The following GSPT1 variants were observed in gnomAD, a reference collection of about 807,000 sequenced individuals.
The protein encoded by GSPT1 is G1 to S phase transition 1.
Under a neutral mutation model 72.5 loss-of-function variants are expected in GSPT1, and 20 were observed. The observed-to-expected ratio is 0.28, with a 90% CI of 0.19 to 0.40. The LOEUF (loss-of-function observed/expected upper bound fraction) is 0.40. GSPT1 is among the 10% of genes least tolerant of loss of function. The pLI is 1.00. For missense variants in GSPT1, 580 were observed against 811.9 expected, an observed-to-expected ratio of 0.71 and a Z score of 3.47; for synonymous variants, 334 against 293.5, an observed-to-expected ratio of 1.14 and a Z score of -1.41.
chr16:11,899,595 G>GA (rs2054380578), intron 1 of GSPT1, among the ~76,000 whole-genome samples: 1 of 152,120 alleles, frequency 6.6e-6, no homozygotes, highest in Non-Finnish European at 1.5e-5. Flanking sequence ...AAACAGGGGG[G>GA]AAACGCATTT....
At chr16:11,887,495 A>G in intron 7 of GSPT1, 75 bp downstream of exon 7, 2 of 1,212,814 alleles carry the variant, frequency 1.6e-6, no homozygotes, top group Non-Finnish European at 2.4e-6. Flanking sequence ...GAGCTTTTAG[A>G]AGATAAATTC....
chr16:11,885,219 C>A lies in GSPT1; in HGVS notation c.1309G>T (p.Asp437Tyr). The A allele has an allele frequency of 6.3e-7, 1 of 1,599,184 alleles. No homozygotes were observed. The highest frequency in any genetic ancestry group is 1.1e-5 in the South Asian group (1 of 90,720). ...DNLPNFNRSV[D>Y]GPIRLPIVDK... ...ACAATTGGCAGCCTGATTGGTCCAT[C>A]AACTGATCTATTGAAGTTCGGCAAA... The change falls in exon 10 of 15, where the codon GAT becomes TAT. Residue 437 changes from aspartate (D) to tyrosine (Y), a missense_variant. Asp to Tyr is a radical substitution (Grantham distance 160). Around this residue, in one of 6 missense-constraint regions of GSPT1, gnomAD observed 45 missense variants for 43.0 expected, o/e 1.05. Coordinates refer to ENST00000434724, the MANE Select transcript of GSPT1 (RefSeq NM_002094.4).
At position 11,886,627 on chromosome 16, in the gene GSPT1, A is replaced by G; in HGVS notation, c.1113-16T>C. On this transcript the variant is annotated splice_polypyrimidine_tract_variant and intron_variant, in intron 8 of 14. Coordinates refer to ENST00000434724, the MANE Select transcript of GSPT1 (RefSeq NM_002094.4). The stretch of plus-strand genomic sequence containing the variant: ...TTCTTCATATCTGCAATTATAATGT[A>G]ACCAAAATAACTCAATTATAATGTA... The G allele has an allele frequency of 6.3e-7, 1 of 1,596,998 alleles. No individual in the cohort carries two copies. Among genetic ancestry groups the G allele is most frequent in the East Asian group, 2.2e-5 (1 of 44,764 alleles).
chr16:11,885,090 G>T, intron 10 of GSPT1, 91 bp downstream of exon 10: 1 of 669,044 alleles, frequency 1.5e-6, no homozygotes. Context: ...AGAAAGAAAA[G>T]AAAAGAAAAA....
Position 11,872,158 on chromosome 16 carries a change from A to G in GSPT1, c.*961T>C, listed in dbSNP as rs1368758657. ...GGCACTTGCAACTGATACGGTTTTC[A>G]TACTAGAGGCATGCAGCTCTATTTA... On this transcript the variant is annotated 3_prime_UTR_variant, in exon 15 of 15. Coordinates refer to ENST00000434724, the MANE Select transcript of GSPT1 (RefSeq NM_002094.4). The G allele has an allele frequency of 6.6e-6, 1 of 152,198 alleles. No individual in the cohort carries two copies. The highest frequency in any genetic ancestry group is 2.4e-5 in the African/African-American group (1 of 41,450). The allele number at this position is 152,198 out of a possible 1,614,324, so 9.4% of individuals were successfully genotyped here.
At chr16:11,890,993 C>A in intron 6 of GSPT1, 69 bp downstream of exon 6, 1 of 710,074 alleles carries the variant, frequency 1.4e-6, no homozygotes, top group South Asian at 1.7e-5. Flanking sequence ...TTTTAACAGG[C>A]TCCAAAAGCA....
At chr16:11,884,559 A>G (rs1481101602) in intron 10 of GSPT1, among the ~76,000 whole-genome samples, 1 of 152,194 alleles carries the variant, frequency 6.6e-6, no homozygotes, top group Non-Finnish European at 1.5e-5. Flanking sequence ...TAGGAGTTCG[A>G]GACCAGCCTG....
At chr16:11,896,348 G>A (rs1195958921) in intron 4 of GSPT1, among the ~76,000 whole-genome samples, 1 of 152,054 alleles carries the variant, frequency 6.6e-6, no homozygotes, top group East Asian at 1.9e-4. Context: ...TTTTCTTCCA[G>A]CATCTATGCC....
At chr16:11,910,096 C>T (rs2054539475) in intron 1 of GSPT1, among the ~76,000 whole-genome samples, 2 of 152,138 alleles carry the variant, frequency 1.3e-5, no homozygotes, top group African/African-American at 4.8e-5. Context: ...GATCCCGTCT[C>T]TAAAAAATAA....
At chr16:11,892,830 A>AAG (rs2054285463) in intron 5 of GSPT1, among the ~76,000 whole-genome samples, 1 of 13,446 alleles carries the variant, frequency 7.4e-5, no homozygotes, top group Admixed American at 1.0e-3. Flanking sequence ...ATTCTGTCTC[A>AAG]AAAAAAAAAA....
intron 1 of GSPT1, among the ~76,000 whole-genome samples, chr16:11,909,428 C>T (rs2054529867): frequency 6.6e-6 from 1 of 152,174 alleles, no homozygotes; most frequent in South Asian, 2.1e-4. Context: ...CTGAGGACCT[C>T]AGATCCTTCA....
chr16:11,900,185 A>G (rs1277129901), intron 1 of GSPT1, among the ~76,000 whole-genome samples: 3 of 151,792 alleles, frequency 2.0e-5, no homozygotes, highest in African/African-American at 7.3e-5. Context: ...AATACAAAAC[A>G]ATTAGCTGGG....
At chr16:11,908,694 A>C (rs1356363009) in intron 1 of GSPT1, 1 of 55,384 alleles carries the variant, frequency 1.8e-5, no homozygotes, top group African/African-American at 1.3e-4. Flanking sequence ...CGGGAGGCGG[A>C]GCTTGCAGTG....
intron 1 of GSPT1, chr16:11,914,866 A>T: frequency 3.8e-6 from 2 of 528,214 alleles, no homozygotes; most frequent in Non-Finnish European, 6.4e-6. Flanking sequence ...CGGACAGTTT[A>T]AACCGTAATT....
chr16:11,891,856 G>A (rs1324044640), intron 5 of GSPT1, among the ~76,000 whole-genome samples: 4 of 143,862 alleles, frequency 2.8e-5, no homozygotes, highest in South Asian at 2.3e-4. Flanking sequence ...TAGAGACTGG[G>A]TTTCACCATG....
chr16:11,915,388 G>C lies in GSPT1; in HGVS notation c.333C>G (p.Ser111Arg). 6.0e-6 allele frequency: 9 copies of C among 1,491,604 alleles called. No homozygotes were observed. Among genetic ancestry groups the C allele is most frequent in the Non-Finnish European group, 7.1e-6 (8 of 1,125,476 alleles). 92.4% of individuals were successfully genotyped at this position (1,491,604 alleles called of 1,614,324 possible). A position where few individuals can be genotyped will look rare whatever the true frequency, so the allele number is the denominator to read the frequency against. The change falls in exon 1 of 15, where the codon AGC becomes AGG. Residue 111 changes from serine (S) to arginine (R), a missense_variant. Coordinates refer to ENST00000434724, the MANE Select transcript of GSPT1 (RefSeq NM_002094.4). ...CTTTACCCGCACGGCCTCCCGCGCC[G>C]CTGCCGGCTCCGTGGTTATTGGCGG... is the stretch of plus-strand genomic sequence containing the variant. ...GGAANNHGAG[S>R]GAGGRAAPVE...
At chr16:11,914,589 T>C (rs2054604228) in intron 1 of GSPT1, among the ~76,000 whole-genome samples, 1 of 152,200 alleles carries the variant, frequency 6.6e-6, no homozygotes, top group South Asian at 2.1e-4. Context: ...GCAATCTGAA[T>C]AAGGTCAACG....
At chr16:11,910,119 T>C (rs1482226923) in intron 1 of GSPT1, among the ~76,000 whole-genome samples, 2 of 152,058 alleles carry the variant, frequency 1.3e-5, no homozygotes, top group African/African-American at 4.8e-5. Flanking sequence ...AGTAAAAAGT[T>C]TTTTAAAATA....
At chr16:11,898,361 TAG>T (rs1223963091) in intron 1 of GSPT1, among the ~76,000 whole-genome samples, 1 of 152,160 alleles carries the variant, frequency 6.6e-6, no homozygotes, top group African/African-American at 2.4e-5. Context: ...CAGATCAAAT[TAG>T]AGATGTGCTC....
Sources: allele counts gnomAD v4.1 joint callset (sites outside exome capture counted in the v4.1 genomes callset), GRCh38; gene constraint gnomAD v4.1.1; regional missense constraint gnomAD v4.1.1; transcripts MANE v1.5; gene names NCBI Gene and HGNC (gene_info 2026-07-23, HGNC 2026-07-21).